The following FRYL variants were observed in gnomAD, a reference collection of about 807,000 sequenced individuals.
FRYL encodes the protein FRY like transcription coactivator.
In FRYL, 150 loss-of-function variants were observed where a neutral mutation model predicts 351.2. The observed-to-expected ratio is 0.43, with a 90% CI of 0.37 to 0.49. The LOEUF is 0.49. FRYL is among the 20% of genes least tolerant of loss of function. The pLI is 0.00. For missense variants in FRYL, 3,036 were observed against 3,619.3 expected (o/e 0.84, Z 4.13); for synonymous variants, 1,153 against 1,257.1 (o/e 0.92, Z 1.75).
chr4:48,561,191 T>C (rs1236546718), intron 33 of FRYL, among the ~76,000 whole-genome samples: 19 of 152,208 alleles, frequency 1.2e-4, no homozygotes, highest in Non-Finnish European at 2.2e-4. Context: ...AAGTCACATG[T>C]GAAAAGTCGT....
At chr4:48,682,173 A>G (rs998695359) in intron 3 of FRYL, among the ~76,000 whole-genome samples, 1 of 152,202 alleles carries the variant, frequency 6.6e-6, no homozygotes, top group African/African-American at 2.4e-5. Flanking sequence ...TCATTCTTCC[A>G]ATGCTCAACA....
chr4:48,777,476 C>T (rs1176977409), intron 1 of FRYL, among the ~76,000 whole-genome samples: 2 of 152,170 alleles, frequency 1.3e-5, no homozygotes, highest in African/African-American at 2.4e-5. Flanking sequence ...CGAGGTGATA[C>T]AGTGAATCTG....
rs569759815 is a variant in FRYL, at chr4:48,499,377, T to C, written c.*45A>G. The C allele has an allele frequency of 1.3e-6, 2 of 1,580,834 alleles. No individual in the cohort carries two copies. The highest frequency in any genetic ancestry group is 3.4e-5 in the Admixed American group (2 of 59,284). ...CATAAAAGGTGCTTGGTTAATATTCTTCATCATCTTCAGTTTAGTTTCTTT... is the reference window on the plus strand; with the variant it reads ...CATAAAAGGTGCTTGGTTAATATTCCTCATCATCTTCAGTTTAGTTTCTTT... On this transcript the variant is annotated 3_prime_UTR_variant, in exon 64 of 64. Coordinates refer to ENST00000358350, the MANE Select transcript of FRYL (RefSeq NM_015030.2).
chr4:48,606,289 T>A (rs1746819541), intron 10 of FRYL, 149 bp downstream of exon 10: 16 of 451,856 alleles, frequency 3.5e-5, no homozygotes, highest in South Asian at 5.3e-5. Flanking sequence ...AAAAAAAAAA[T>A]TAATTTACAC....
At chr4:48,746,183 C>T (rs17610398) in intron 1 of FRYL, among the ~76,000 whole-genome samples, 3,975 of 152,280 alleles carry the variant, frequency 0.026, 66 homozygotes, top group Admixed American at 0.046. Flanking sequence ...GGTTAGGAGT[C>T]GGCACAGCCC....
In FRYL at chr4:48,596,013, A is replaced by G. The variant is rs2149228969; in HGVS notation, c.1036-13T>C. Reference sequence around the variant, plus strand: ...TCGGATCTTTATTCTGTTTTAAAACAAAAGAGAATAAACTTATTATAATAC... The same window carrying G: ...TCGGATCTTTATTCTGTTTTAAAACGAAAGAGAATAAACTTATTATAATAC... On this transcript the variant is annotated splice_polypyrimidine_tract_variant and intron_variant, in intron 13 of 63. Coordinates refer to ENST00000358350, the MANE Select transcript of FRYL (RefSeq NM_015030.2). 25 of 1,511,994 alleles carry G rather than the reference A, an allele frequency of 1.7e-5. No individual in the cohort carries two copies. Among genetic ancestry groups the G allele is most frequent in the Non-Finnish European group, 2.3e-5 (25 of 1,099,864 alleles). 93.7% of individuals were successfully genotyped at this position (1,511,994 alleles called of 1,614,324 possible). A position where few individuals can be genotyped will look rare whatever the true frequency, so the allele number is the denominator to read the frequency against.
intron 35 of FRYL, among the ~76,000 whole-genome samples, chr4:48,556,717 A>G (rs1433319700): frequency 6.6e-6 from 1 of 152,176 alleles, no homozygotes; most frequent in East Asian, 1.9e-4. Flanking sequence ...TCATTAAATA[A>G]ATCAGATGTA....
intron 1 of FRYL, among the ~76,000 whole-genome samples, chr4:48,745,358 G>A (rs763041013): frequency 4.5e-4 from 69 of 152,284 alleles, no homozygotes; most frequent in Admixed American, 9.8e-4. Context: ...CAACCCAAAT[G>A]TCCATCAATG....
chr4:48,547,892 T>C (rs1731713095), intron 40 of FRYL, 123 bp from the exon 41 acceptor site: 1 of 594,298 alleles, frequency 1.7e-6, no homozygotes, highest in Non-Finnish European at 2.7e-6. Context: ...TGACATATTA[T>C]ATGGTTTTTT....
At chr4:48,506,601 T>A in intron 59 of FRYL, 1 of 116,342 alleles carries the variant, frequency 8.6e-6, no homozygotes, top group African/African-American at 3.5e-5. Flanking sequence ...ATTATACTAT[T>A]AAACAATACA....
intron 47 of FRYL, among the ~76,000 whole-genome samples, chr4:48,536,673 T>TA (rs914056194): frequency 6.6e-6 from 1 of 152,240 alleles, no homozygotes; most frequent in African/African-American, 2.4e-5. Flanking sequence ...CAATCTGTCA[T>TA]AAAAGGCTAA....
intron 13 of FRYL, 38 bp downstream of exon 13, chr4:48,601,982 G>T: frequency 8.6e-7 from 1 of 1,160,968 alleles, no homozygotes; most frequent in Non-Finnish European, 1.3e-6. Context: ...AAATATACCA[G>T]TCAGTATTTA....
intron 33 of FRYL, among the ~76,000 whole-genome samples, chr4:48,558,930 T>C (rs1734766471): frequency 3.3e-5 from 5 of 152,194 alleles, no homozygotes; most frequent in Admixed American, 6.5e-5. Flanking sequence ...TCTCTTTCCA[T>C]GCTAGACCCT....
At chr4:48,742,508 C>T (rs2149649818) in intron 1 of FRYL, among the ~76,000 whole-genome samples, 1 of 152,258 alleles carries the variant, frequency 6.6e-6, no homozygotes, top group East Asian at 1.9e-4. Flanking sequence ...CCAACTTATC[C>T]AGTCTCACAG....
At chr4:48,662,623 A>G (rs1370924238) in intron 3 of FRYL, among the ~76,000 whole-genome samples, 2 of 151,974 alleles carry the variant, frequency 1.3e-5, no homozygotes, top group African/African-American at 4.8e-5. Context: ...TGATAGAGAA[A>G]GAATCTTAAA....
At chr4:48,742,973 A>ATTTTTTTT (rs71191256) in intron 1 of FRYL, among the ~76,000 whole-genome samples, 8 of 81,748 alleles carry the variant, frequency 9.8e-5, no homozygotes, top group African/African-American at 1.3e-4. Context: ...CGCCTGGATA[A>ATTTTTTTT]TTTTTTTTTT....
At chr4:48,678,507 CA>C (rs10639089) in intron 3 of FRYL, among the ~76,000 whole-genome samples, 24,066 of 70,036 alleles carry the variant, frequency 0.34, 1,189 homozygotes, top group Admixed American at 0.44. Flanking sequence ...AACTCCATCT[CA>C]AAAAAAAAAA....
At chr4:48,581,044 ATTT>A (rs755903429) in intron 21 of FRYL, 93 bp from the exon 22 acceptor site, 5,224 of 496,582 alleles carry the variant, frequency 0.011, no homozygotes, top group South Asian at 0.016. Flanking sequence ...CTTCAGCACT[ATTT>A]TTTTTTTTTT....
chr4:48,541,856 C>T lies in FRYL; in HGVS notation c.5687+171G>A, dbSNP rs777917305. On this transcript the variant is annotated intron_variant, in intron 45 of 63. Coordinates refer to ENST00000358350, the MANE Select transcript of FRYL (RefSeq NM_015030.2). ...AAGAACAGCACTGCTAAAATCAGCACTTGGATTTTTCACAAGTCCTCACTG... is the reference window on the plus strand; with the variant it reads ...AAGAACAGCACTGCTAAAATCAGCATTTGGATTTTTCACAAGTCCTCACTG... Among the ~76,000 whole-genome samples, 41 of 152,322 alleles carry T rather than the reference C, an allele frequency of 2.7e-4. 1 individual carries two copies. Among genetic ancestry groups the T allele is most frequent in the Non-Finnish European group, 5.3e-4 (36 of 68,036 alleles).
Sources: gnomAD v4.1 joint callset for allele counts (sites outside exome capture counted in the v4.1 genomes callset) on GRCh38, gnomAD v4.1.1 for gene constraint, MANE v1.5 for transcripts, NCBI Gene and HGNC (gene_info 2026-07-23, HGNC 2026-07-21) for gene names.